LCK: variants seen among roughly 807,000 people sequenced by gnomAD.
LCK encodes the protein LCK proto-oncogene, Src family tyrosine kinase, also known as tyrosine-protein kinase Lck.
LCK carries 14 observed loss-of-function variants against 64.6 expected under a neutral mutation model. The observed-to-expected ratio is 0.22, with a 90% CI of 0.14 to 0.34. The LOEUF is 0.34. Ranked by LOEUF, LCK falls within the 10% of genes least tolerant of loss-of-function variation. The probability of loss-of-function intolerance (pLI) is 1.00; values close to 1 mark genes in which losing one functional copy is unlikely to be tolerated. For synonymous variants in LCK, 277 were observed against 263.6 expected, an observed-to-expected ratio of 1.05 and a Z score of -0.49; for missense variants, 434 against 668.1, an observed-to-expected ratio of 0.65 and a Z score of 3.86.
chr1:32,272,978 G>T, intron 1 of LCK, among the ~76,000 whole-genome samples: 1 of 149,856 alleles, frequency 6.7e-6, no homozygotes, highest in Non-Finnish European at 1.5e-5. Flanking sequence ...GAGTGCGTGT[G>T]TGTGGGGGTG....
chr1:32,265,833 T>C (rs1639893699), intron 1 of LCK, among the ~76,000 whole-genome samples: 2 of 152,130 alleles, frequency 1.3e-5, no homozygotes, highest in African/African-American at 2.4e-5. Context: ...CTCCTTCTTC[T>C]TCCTCTTCTT....
Position 32,279,856 on chromosome 1 carries a change from G to A in LCK, c.1057G>A (p.Ala353Thr), listed in dbSNP as rs771329448. 6.2e-7 allele frequency: 1 copy of A among 1,614,116 alleles called. No individual in the cohort carries two copies. Among genetic ancestry groups the A allele is most frequent in the Non-Finnish European group, 8.5e-7 (1 of 1,180,054 alleles). ...TGGCCTGCAGATTGCAGAAGGCATG[G>A]CATTCATTGAAGAGCGGAATTATAT... is the stretch of plus-strand genomic sequence containing the variant. Reference protein sequence around the residue: ...DMAAQIAEGMAFIEERNYIHR... With the variant: ...DMAAQIAEGMTFIEERNYIHR... The change falls in exon 11 of 13, where the codon GCA becomes ACA. Residue 353 changes from alanine (A) to threonine (T), a missense_variant. Around this residue, in one of 2 missense-constraint regions of LCK, gnomAD observed 201 missense variants for 376.9 expected, o/e 0.53. Transcript: ENST00000336890.
chr1:32,281,942 C>T (rs181728897), intron 12 of LCK, among the ~76,000 whole-genome samples: 9 of 152,168 alleles, frequency 5.9e-5, no homozygotes, highest in African/African-American at 9.6e-5. Flanking sequence ...TGGTGGCACG[C>T]GCCTGTAACC....
At chr1:32,274,518 C>G in intron 2 of LCK, 84 bp downstream of exon 2, 1 of 1,181,256 alleles carries the variant, frequency 8.5e-7, no homozygotes, top group Non-Finnish European at 1.2e-6. Context: ...ACTACAGGCC[C>G]TTGAAAGAAT....
intron 12 of LCK, among the ~76,000 whole-genome samples, chr1:32,280,797 G>T (rs758900772): frequency 1.3e-5 from 2 of 152,126 alleles, no homozygotes; most frequent in African/African-American, 2.4e-5. Context: ...TGGTATGGTA[G>T]AAGAAGATCT....
intron 1 of LCK, among the ~76,000 whole-genome samples, chr1:32,255,126 T>C (rs1639598464): frequency 6.6e-6 from 1 of 152,216 alleles, no homozygotes; most frequent in Non-Finnish European, 1.5e-5. Flanking sequence ...TTCCAGATTT[T>C]CCCATGTATG....
Position 32,279,976 on chromosome 1 carries a change from G to A in LCK, c.1177G>A (p.Glu393Lys), listed in dbSNP as rs200647118. 3 of 1,614,162 alleles carry A rather than the reference G, an allele frequency of 1.9e-6. No individual in the cohort carries two copies. The highest frequency in any genetic ancestry group is 2.2e-5 in the East Asian group (1 of 44,892). The stretch of plus-strand genomic sequence containing the variant: ...CCTAGCACGCCTCATTGAGGACAAC[G>A]AGTACACAGCCAGGGAGGGTACGTG... ...FGLARLIEDN[E>K]YTAREGAKFP... The change falls in exon 11 of 13, where the codon GAG becomes AAG. Residue 393 changes from glutamate to lysine, a missense_variant. By Grantham distance (56) the Glu-to-Lys change is moderately conservative (BLOSUM62 1). This residue lies in a region of LCK where 201 missense variants were observed against 376.9 expected (regional missense o/e 0.53). Coordinates refer to ENST00000336890, the MANE Select transcript of LCK (RefSeq NM_005356.5).
rs759234024 is a variant in LCK, at chr1:32,274,311, T to C, written c.-5-14T>C. The stretch of plus-strand genomic sequence containing the variant: ...TTGGGGGAGCCCCTTCAGCCCCCTC[T>C]TCCATTCCCTCAGGGACCATGGGCT... On this transcript the variant is annotated splice_polypyrimidine_tract_variant and intron_variant, in intron 1 of 12. Transcript: ENST00000336890. The C allele has an allele frequency of 6.2e-7, 1 of 1,614,044 alleles. No individual in the cohort carries two copies. Among genetic ancestry groups the C allele is most frequent in the Non-Finnish European group, 8.5e-7 (1 of 1,179,948 alleles).
At chr1:32,270,250 C>CTTTTTTTTTTT (rs1195979098) in intron 1 of LCK, among the ~76,000 whole-genome samples, 24 of 126,664 alleles carry the variant, frequency 1.9e-4, no homozygotes, top group African/African-American at 4.9e-4. Context: ...GCCCAGCTAA[C>CTTTTTTTTTTT]TTTTTTTTTT....
At chr1:32,265,182 CAAAA>C (rs557764597) in intron 1 of LCK, among the ~76,000 whole-genome samples, 2 of 95,654 alleles carry the variant, frequency 2.1e-5, no homozygotes, top group East Asian at 6.0e-4. Context: ...GACTTTGTCT[CAAAA>C]AAAAAAAAAA....
rs770663332 is a variant in LCK at position 32,276,080 on chromosome 1, C to T, written c.631+17C>T. The T allele has an allele frequency of 3.7e-6, 6 of 1,613,482 alleles. No individual in the cohort carries two copies. In the South Asian group the frequency reaches 5.5e-5, roughly 15 times the overall value. On this transcript the variant is annotated intron_variant, in intron 7 of 12. Transcript: ENST00000336890. The surrounding 1 kb of genome is among the most constrained non-coding windows in gnomAD (Gnocchi z 4.6). The stretch of plus-strand genomic sequence containing the variant: ...ATTACACCAGTGAGCCCGACGGGAC[C>T]CCTCCCCCGTGCCCTATCAGCCTAT...
chr1:32,276,065 T>G lies in LCK; in HGVS notation c.631+2T>G. The G allele has an allele frequency of 6.2e-7, 1 of 1,613,920 alleles. No individual in the cohort carries two copies. ...ATGAACTGGTCCGCCATTACACCAG[T>G]GAGCCCGACGGGACCCCTCCCCCGT... On this transcript the variant is annotated splice_donor_variant, in intron 7 of 12. Coordinates refer to ENST00000336890, the MANE Select transcript of LCK (RefSeq NM_005356.5). LOFTEE classifies it high-confidence loss of function. The surrounding 1 kb of genome is among the most constrained non-coding windows in gnomAD (Gnocchi z 4.6).
chr1:32,275,775 G>C lies in LCK; in HGVS notation c.481+103G>C, dbSNP rs1478428279. On this transcript the variant is annotated intron_variant, in intron 6 of 12. Transcript: ENST00000336890. The surrounding 1 kb of genome is among the most constrained non-coding windows in gnomAD (Gnocchi z 6.9). The stretch of plus-strand genomic sequence containing the variant: ...GTGGAGACACGGGGTGAGTCGGAGG[G>C]GGACGCGGGATGAGCCCGAGGTGGG... 2.1e-6 allele frequency: 3 copies of C among 1,404,162 alleles called. No individual in the cohort carries two copies. Among genetic ancestry groups the C allele is most frequent in the East Asian group, 2.4e-5 (1 of 41,398 alleles). 87.0% of individuals were successfully genotyped at this position (1,404,162 alleles called of 1,614,324 possible).
chr1:32,279,936 G>A lies in LCK; in HGVS notation c.1137G>A (p.Lys379=). The change falls in exon 11 of 13, where the codon AAG becomes AAA. Residue 379 remains lysine, a synonymous_variant. Transcript: ENST00000336890. The part of the protein sequence containing the change: ...NILVSDTLSC[K]IADFGLARLI... Reference sequence around the variant, plus strand: ...TGGTGTCTGACACCCTGAGCTGCAAGATTGCAGACTTTGGCCTAGCACGCC... The same window carrying A: ...TGGTGTCTGACACCCTGAGCTGCAAAATTGCAGACTTTGGCCTAGCACGCC... The A allele has an allele frequency of 6.2e-7, 1 of 1,614,214 alleles. No homozygotes were observed. Among genetic ancestry groups the A allele is most frequent in the East Asian group, 2.2e-5 (1 of 44,882 alleles).
intron 1 of LCK, among the ~76,000 whole-genome samples, chr1:32,266,995 A>C (rs779077941): frequency 6.6e-6 from 1 of 150,482 alleles, no homozygotes; most frequent in Non-Finnish European, 1.5e-5. Flanking sequence ...ATTCCATCTG[A>C]TGTTGGTATT....
chr1:32,261,853 T>C lies in LCK; in HGVS notation c.-6+10482T>C, dbSNP rs529943094. 4.1e-5 allele frequency among the ~76,000 whole-genome samples: 6 copies of C among 145,104 alleles called. 1 individual carries two copies. Among genetic ancestry groups the C allele is most frequent in the African/African-American group, 1.6e-4 (6 of 38,698 alleles). On this transcript the variant is annotated intron_variant, in intron 1 of 12. Coordinates refer to ENST00000336890, the MANE Select transcript of LCK (RefSeq NM_005356.5). ...CTCCAATCCCAGCTACTCCGGAGGC[T>C]GAGGCAGGAGAATCGCTTGAACCTG...
rs1359866247 is a variant in LCK at position 32,276,882 on chromosome 1, A to G, written c.964+96A>G. ...CACCTTTTCTTCTGGCCCAAAGCTC[A>G]AGCAAGGAGGGTTTCTTGAGCTTTC... is the stretch of plus-strand genomic sequence containing the variant. On this transcript the variant is annotated intron_variant, in intron 9 of 12. Transcript: ENST00000336890. The surrounding 1 kb of genome is among the most constrained non-coding windows in gnomAD (Gnocchi z 4.6). The G allele has an allele frequency of 1.6e-6, 2 of 1,283,830 alleles. No homozygotes were observed. Among genetic ancestry groups the G allele is most frequent in the East Asian group, 2.7e-5 (1 of 37,426 alleles). 79.5% of individuals were successfully genotyped at this position (1,283,830 alleles called of 1,614,324 possible). A position where few individuals can be genotyped will look rare whatever the true frequency, so the allele number is the denominator to read the frequency against.
intron 1 of LCK, among the ~76,000 whole-genome samples, chr1:32,258,508 G>T (rs997933711): frequency 6.7e-6 from 1 of 150,074 alleles, no homozygotes; most frequent in African/African-American, 2.4e-5. Flanking sequence ...CAGGCTGGGC[G>T]CAGTGGCTCA....
Position 32,257,290 on chromosome 1 carries a change from C to T in LCK, c.-6+5919C>T, listed in dbSNP as rs574538853. Among the ~76,000 whole-genome samples, 34 of 151,226 alleles carry T rather than the reference C, an allele frequency of 2.2e-4. No homozygotes were observed. The South Asian group carries it at 6.9e-3, about 31-fold the overall frequency. ...TTGAGACAAGGTCTTGCTCTGTCGC[C>T]TAGGCTGGAGCGTAGTGGCCCAATC... On this transcript the variant is annotated intron_variant, in intron 1 of 12. Transcript: ENST00000336890.
Sources: gnomAD v4.1 joint callset for allele counts (sites outside exome capture counted in the v4.1 genomes callset) on GRCh38, gnomAD v4.1.1 for gene constraint, gnomAD v4.1.1 regional missense constraint, Gnocchi (gnomAD v3.1) non-coding constraint, MANE v1.5 for transcripts, NCBI Gene and HGNC (gene_info 2026-07-23, HGNC 2026-07-21) for gene names.